The following RHOBTB1 variants were observed in gnomAD, a reference collection of about 807,000 sequenced individuals.
RHOBTB1 encodes rho-related BTB domain-containing protein 1.
In RHOBTB1, 40 loss-of-function variants were observed where a neutral mutation model predicts 71.6. The observed-to-expected ratio is 0.56, with a 90% CI of 0.43 to 0.73. The LOEUF (loss-of-function observed/expected upper bound fraction) is 0.73, where lower values mean the gene tolerates loss of function less well. RHOBTB1 is among the 30% of genes least tolerant of loss of function. The pLI, the probability that RHOBTB1 is intolerant of heterozygous loss-of-function variation, is 0.00. For synonymous variants in RHOBTB1, 319 were observed against 334.9 expected (o/e 0.95, Z 0.52); for missense variants, 797 against 894.0 (o/e 0.89, Z 1.38).
At chr10:60,902,768 G>A (rs1338934446) in intron 4 of RHOBTB1, among the ~76,000 whole-genome samples, 3 of 152,080 alleles carry the variant, frequency 2.0e-5, no homozygotes, top group South Asian at 4.1e-4. Context: ...TTACAAAAGG[G>A]CATATATAAA....
At chr10:60,983,352 C>T (rs184846645) in intron 2 of RHOBTB1, among the ~76,000 whole-genome samples, 120 of 152,084 alleles carry the variant, frequency 7.9e-4, no homozygotes, top group Non-Finnish European at 1.1e-3. Context: ...ATGAAATTTG[C>T]TTATTATAAG....
chr10:60,888,256 T>C lies in RHOBTB1; in HGVS notation c.1412A>G (p.Lys471Arg). The C allele has an allele frequency of 1.2e-6, 2 of 1,614,118 alleles. No homozygotes were observed. The highest frequency in any genetic ancestry group is 1.7e-6 in the Non-Finnish European group (2 of 1,180,004). Residue 471 changes from lysine to arginine, a missense_variant, in exon 6 of 11, where the codon AAA becomes AGA. This residue lies in a region of RHOBTB1 where 658 missense variants were observed against 681.5 expected (regional missense o/e 0.97). Coordinates refer to ENST00000337910, the MANE Select transcript of RHOBTB1 (RefSeq NM_014836.5). ...GAGACACTCTTTTATCCGATTGGCT[T>C]TCCTTACGTGAAAGGCTTTCGTAAT... is the stretch of plus-strand genomic sequence containing the variant. ...QEITKAFHVR[K>R]ANRIKECLSK... is the part of the protein sequence containing the mutation.
intron 8 of RHOBTB1, chr10:60,877,239 T>C (rs976787899): frequency 6.6e-6 from 1 of 152,258 alleles, no homozygotes; most frequent in African/African-American, 2.4e-5. Context: ...TTTTTTCTCT[T>C]TCTCCCAAAA....
chr10:60,888,135 T>C, intron 6 of RHOBTB1, 77 bp downstream of exon 6: 1 of 1,489,220 alleles, frequency 6.7e-7, no homozygotes, highest in Non-Finnish European at 9.0e-7. Context: ...CGTTCTTCTT[T>C]CTCCTGCTCA....
intron 7 of RHOBTB1, among the ~76,000 whole-genome samples, chr10:60,885,625 T>C (rs968882120): frequency 1.3e-5 from 2 of 152,022 alleles, no homozygotes; most frequent in South Asian, 2.1e-4. Flanking sequence ...GATGAGGAGG[T>C]TGAGGCACAG....
chr10:60,892,671 T>C, intron 5 of RHOBTB1, 139 bp downstream of exon 5: 1 of 670,402 alleles, frequency 1.5e-6, no homozygotes, highest in Non-Finnish European at 2.4e-6. Flanking sequence ...TCCTCATGAT[T>C]TATGGGCTGA....
intron 2 of RHOBTB1, among the ~76,000 whole-genome samples, chr10:60,966,375 A>C (rs2085957588): frequency 6.6e-6 from 1 of 151,664 alleles, no homozygotes; most frequent in Admixed American, 6.6e-5. Context: ...TTCTGAAGTG[A>C]AAGACAGTTG....
At chr10:60,904,190 A>G (rs1589249582) in intron 4 of RHOBTB1, among the ~76,000 whole-genome samples, 1 of 151,978 alleles carries the variant, frequency 6.6e-6, no homozygotes, top group Non-Finnish European at 1.5e-5. Context: ...CAAGTGATCC[A>G]CCTGCCTCAG....
intron 1 of RHOBTB1, among the ~76,000 whole-genome samples, chr10:60,997,771 A>C (rs776908879): frequency 6.6e-6 from 1 of 152,364 alleles, no homozygotes; most frequent in Non-Finnish European, 1.5e-5. Context: ...TAGGTTATAC[A>C]TACTAAGATG....
intron 2 of RHOBTB1, among the ~76,000 whole-genome samples, chr10:60,914,171 A>C (rs533076316): frequency 1.1e-4 from 17 of 152,362 alleles, no homozygotes; most frequent in African/African-American, 3.1e-4. Context: ...GATCTTAAGC[A>C]AAGAAGACAG....
At chr10:60,988,156 G>A (rs1302540655) in intron 1 of RHOBTB1, among the ~76,000 whole-genome samples, 1 of 151,204 alleles carries the variant, frequency 6.6e-6, no homozygotes, top group East Asian at 2.0e-4. Context: ...GGATGGTCTC[G>A]ACCTCCTGAC....
intron 2 of RHOBTB1, among the ~76,000 whole-genome samples, chr10:60,980,165 T>G (rs1050236299): frequency 6.6e-6 from 1 of 152,194 alleles, no homozygotes; most frequent in Non-Finnish European, 1.5e-5. Context: ...AAATTAATAG[T>G]TCAACTCTCC....
intron 1 of RHOBTB1, among the ~76,000 whole-genome samples, chr10:60,993,495 T>C (rs191507567): frequency 6.6e-6 from 1 of 152,162 alleles, no homozygotes; most frequent in Admixed American, 6.5e-5. Context: ...GCATAACTGA[T>C]TTTTTTCTCC....
intron 4 of RHOBTB1, among the ~76,000 whole-genome samples, chr10:60,905,982 T>A (rs1215368407): frequency 1.3e-5 from 2 of 152,208 alleles, no homozygotes; most frequent in African/African-American, 4.8e-5. Flanking sequence ...TGATTACAGG[T>A]AACTTCAACA....
At chr10:61,001,591 G>A (rs1259863931), upstream of RHOBTB1, among the ~76,000 whole-genome samples, 1 of 144,884 alleles carries the variant, frequency 6.9e-6, no homozygotes, top group Non-Finnish European at 1.5e-5. Flanking sequence ...CTCCCGGCCC[G>A]GCAGCCGCCG....
Position 60,888,216 on chromosome 10 carries a change from G to A in RHOBTB1, c.1452C>T (p.Phe484=). 1.2e-6 allele frequency: 2 copies of A among 1,612,094 alleles called. No homozygotes were observed. The highest frequency in any genetic ancestry group is 1.3e-5 in the African/African-American group (1 of 74,986). ...TCTGCCCCGCGGCCCACTCACCCGA[G>A]AACGTTCCCTTGCTGAGACACTCTT... is the stretch of plus-strand genomic sequence containing the variant. The part of the protein sequence containing the change: ...RIKECLSKGT[F]SDVTFKLDDG... Residue 484 remains phenylalanine, a synonymous_variant, in exon 6 of 11, where the codon TTC becomes TTT. Transcript: ENST00000337910.
At chr10:60,961,692 CAT>C (rs1430556756) in intron 2 of RHOBTB1, among the ~76,000 whole-genome samples, 1 of 152,056 alleles carries the variant, frequency 6.6e-6, no homozygotes, top group East Asian at 1.9e-4. Context: ...AGTTCAAATG[CAT>C]TGCTGTATAT....
intron 2 of RHOBTB1, among the ~76,000 whole-genome samples, chr10:60,920,381 G>C (rs1331872024): frequency 6.6e-6 from 1 of 152,142 alleles, no homozygotes; most frequent in Non-Finnish European, 1.5e-5. Flanking sequence ...TGGGTGACCT[G>C]TCTGAAGAGG....
At chr10:60,929,284 A>G (rs2084085973) in intron 2 of RHOBTB1, among the ~76,000 whole-genome samples, 3 of 152,206 alleles carry the variant, frequency 2.0e-5, no homozygotes, top group Admixed American at 1.3e-4. Flanking sequence ...AAATATGTAC[A>G]ACTAACATGC....
Sources: gnomAD v4.1 joint callset for allele counts (sites outside exome capture counted in the v4.1 genomes callset) on GRCh38, gnomAD v4.1.1 for gene constraint, gnomAD v4.1.1 regional missense constraint, MANE v1.5 for transcripts, NCBI Gene and HGNC (gene_info 2026-07-23, HGNC 2026-07-21) for gene names.